The following LRRC49 variants were observed in gnomAD, a reference collection of about 807,000 sequenced individuals.
LRRC49 encodes leucine rich repeat containing 49.
LRRC49 carries 50 observed loss-of-function variants against 83.3 expected under a neutral mutation model. The ratio of observed to expected loss-of-function variants is 0.60; its 90% CI spans 0.48 to 0.76. LRRC49 has a LOEUF of 0.76. Ranked by LOEUF, LRRC49 falls within the 30% of genes least tolerant of loss-of-function variation. The pLI is 0.00. For missense variants in LRRC49, 704 were observed against 809.1 expected, an observed-to-expected ratio of 0.87 and a Z score of 1.58; for synonymous variants, 286 against 283.3, an observed-to-expected ratio of 1.01 and a Z score of -0.10.
chr15:71,037,724 T>G (rs1398909687), intron 15 of LRRC49, among the ~76,000 whole-genome samples: 3 of 152,190 alleles, frequency 2.0e-5, no homozygotes, highest in African/African-American at 4.8e-5. Context: ...ACCTCCGTTT[T>G]TGTTCTCCTT....
Position 70,892,877 on chromosome 15 carries a change from C to A in LRRC49, c.-18C>A. On this transcript the variant is annotated 5_prime_UTR_variant, in exon 1 of 16. Transcript: ENST00000260382. ...CCTGGAAGGCAGATCTAACAGAGAA[C>A]CTGGACTGTCTCCTATCATGATTCC... The A allele has an allele frequency of 6.2e-7, 1 of 1,614,176 alleles. No individual in the cohort carries two copies. Among genetic ancestry groups the A allele is most frequent in the Non-Finnish European group, 8.5e-7 (1 of 1,180,022 alleles).
intron 9 of LRRC49, 84 bp downstream of exon 9, chr15:70,964,016 GCTT>G: frequency 7.4e-6 from 10 of 1,357,162 alleles, no homozygotes; most frequent in Non-Finnish European, 1.0e-5. Flanking sequence ...TGCTTGAAAT[GCTT>G]CTTAATTTTA....
rs1354543265 is a variant in LRRC49 at position 70,964,047 on chromosome 15, A to G, written c.921+115A>G. The G allele has an allele frequency of 3.1e-6, 3 of 978,462 alleles. No individual in the cohort carries two copies. The African/African-American group carries it at 4.9e-5, about 16-fold the overall frequency. 60.6% of individuals were successfully genotyped at this position (978,462 alleles called of 1,614,324 possible). On this transcript the variant is annotated intron_variant, in intron 9 of 15. Coordinates refer to ENST00000260382, the MANE Select transcript of LRRC49 (RefSeq NM_017691.5). ...TAATTTTAGTGAACTATGGGTTATC[A>G]TGATTGTATACTTCATAATTGCAAT...
chr15:70,959,534 G>GA (rs2036523930), intron 8 of LRRC49, among the ~76,000 whole-genome samples: 3 of 126,342 alleles, frequency 2.4e-5, no homozygotes, highest in South Asian at 3.1e-4. Context: ...GGGAGGAAAG[G>GA]AGGGAAGGAA....
intron 7 of LRRC49, 125 bp from the exon 8 acceptor site, chr15:70,936,636 A>G: frequency 1.5e-6 from 1 of 655,208 alleles, no homozygotes; most frequent in East Asian, 2.7e-5. Context: ...TGTCCAGTAG[A>G]AATCAGTGAT....
chr15:70,892,499 G>A (rs1291725710), upstream of LRRC49: 75 of 1,526,670 alleles, frequency 4.9e-5, no homozygotes, highest in Non-Finnish European at 6.1e-5. Flanking sequence ...CTCCCCAGGA[G>A]CCAGTGGACA....
chr15:70,889,840 G>C (rs549451037), upstream of LRRC49, among the ~76,000 whole-genome samples: 1 of 152,276 alleles, frequency 6.6e-6, no homozygotes, highest in South Asian at 2.1e-4. Flanking sequence ...AACATTGGGT[G>C]GGGGAAGAAG....
intron 2 of LRRC49, among the ~76,000 whole-genome samples, chr15:70,873,661 T>A (rs1349975689): frequency 6.6e-6 from 1 of 152,194 alleles, no homozygotes. Context: ...AGGGACCAGC[T>A]GCTTCTCCAC....
chr15:70,945,518 C>CGT (rs1567063903), intron 8 of LRRC49, among the ~76,000 whole-genome samples: 4 of 84,200 alleles, frequency 4.8e-5, no homozygotes, highest in Admixed American at 2.4e-4. Flanking sequence ...TATTTAACAA[C>CGT]CTGTGTGTGT....
intron 1 of LRRC49, chr15:70,859,535 C>T (rs1397355649): frequency 1.0e-5 from 7 of 674,762 alleles, no homozygotes; most frequent in Non-Finnish European, 2.0e-5. Context: ...CAACCGCAGC[C>T]AGGCGGAGGC....
chr15:70,978,648 G>A (rs1028878648), intron 9 of LRRC49, among the ~76,000 whole-genome samples: 1 of 152,108 alleles, frequency 6.6e-6, no homozygotes, highest in Admixed American at 6.6e-5. Flanking sequence ...ATATCAAAAG[G>A]ATAGAAATAT....
At chr15:70,853,955 TC>T in intron 1 of LRRC49, 23 of 1,449,674 alleles carry the variant, frequency 1.6e-5, no homozygotes, top group South Asian at 5.4e-5. Flanking sequence ...CCGGGCCGGG[TC>T]CCCGGCGCCC....
chr15:71,018,669 G>A (rs569228584), intron 14 of LRRC49, among the ~76,000 whole-genome samples: 2 of 152,294 alleles, frequency 1.3e-5, no homozygotes, highest in African/African-American at 2.4e-5. Context: ...GACACCAGCT[G>A]GGTGCCCTCT....
chr15:71,007,728 T>TATATATATATATATATATATATATA (rs2038508444), intron 11 of LRRC49, among the ~76,000 whole-genome samples: 1 of 147,176 alleles, frequency 6.8e-6, no homozygotes, highest in African/African-American at 2.5e-5. Flanking sequence ...TATATATATA[T>TATATATATATATATATATATATATA]ATATATATAT....
At chr15:70,953,926 G>A (rs2036308842) in intron 8 of LRRC49, among the ~76,000 whole-genome samples, 1 of 151,816 alleles carries the variant, frequency 6.6e-6, no homozygotes, top group Non-Finnish European at 1.5e-5. Flanking sequence ...ACAGAGTCTT[G>A]CTCTGTCTCC....
At chr15:71,011,162 C>A (rs2038638619) in intron 13 of LRRC49, among the ~76,000 whole-genome samples, 1 of 152,078 alleles carries the variant, frequency 6.6e-6, no homozygotes, top group Non-Finnish European at 1.5e-5. Context: ...CTTGTGTACT[C>A]ATGTATACTA....
chr15:70,940,686 A>G (rs2035782108), intron 8 of LRRC49, among the ~76,000 whole-genome samples: 1 of 152,206 alleles, frequency 6.6e-6, no homozygotes. Context: ...TAGTTCTAGT[A>G]TGCAGCATAC....
chr15:70,932,010 A>G (rs1351202834), intron 7 of LRRC49, among the ~76,000 whole-genome samples: 1 of 152,202 alleles, frequency 6.6e-6, no homozygotes, highest in African/African-American at 2.4e-5. Context: ...CCTAGATTAT[A>G]AAGACTGGAC....
Position 70,904,714 on chromosome 15 carries a change from G to A in LRRC49, c.459G>A (p.Ser153=), listed in dbSNP as rs763946014. 24 of 1,613,464 alleles carry A rather than the reference G, an allele frequency of 1.5e-5. No homozygotes were observed. Among genetic ancestry groups the A allele is most frequent in the African/African-American group, 4.0e-5 (3 of 74,870 alleles). Reference sequence around the variant, plus strand: ...AGATTGAAGAAATTAGTGGGCTTTCGACTCTGAGATGTCTTCGTGTCCTTC... The same window carrying A: ...AGATTGAAGAAATTAGTGGGCTTTCAACTCTGAGATGTCTTCGTGTCCTTC... The part of the protein sequence containing the change: ...DNQIEEISGL[S]TLRCLRVLLL... Residue 153 remains serine (S), a synonymous_variant, in exon 5 of 16, where the codon TCG becomes TCA. Transcript: ENST00000260382.
Sources: gnomAD v4.1 joint callset for allele counts (sites outside exome capture counted in the v4.1 genomes callset) on GRCh38, gnomAD v4.1.1 for gene constraint, MANE v1.5 for transcripts, NCBI Gene and HGNC (gene_info 2026-07-23, HGNC 2026-07-21) for gene names.